Variants in LRRC28 observed in about 807,000 individuals in gnomAD.
The protein encoded by LRRC28 is leucine-rich repeat-containing protein 28.
A neutral mutation model predicts 45.7 loss-of-function variants in LRRC28; 39 were observed. The ratio of observed to expected loss-of-function variants is 0.85; its 90% CI spans 0.66 to 1.12. The LOEUF is 1.12. LRRC28 is among the 50% of genes most tolerant of loss of function. The pLI, the probability that LRRC28 is intolerant of heterozygous loss-of-function variation, is 0.00. For missense variants in LRRC28, 435 were observed against 438.5 expected (o/e 0.99, Z 0.07); for synonymous variants, 206 against 178.8 (o/e 1.15, Z -1.22).
intron 5 of LRRC28, among the ~76,000 whole-genome samples, chr15:99,329,484 C>T (rs1433934365): frequency 1.3e-5 from 2 of 152,122 alleles, no homozygotes; most frequent in African/African-American, 4.8e-5. Context: ...GCATAATTTC[C>T]AACACTGGAG....
rs1029980763 is a variant in LRRC28, at chr15:99,258,798, G to A, written c.168+2673G>A. 20 of 695,968 alleles carry A rather than the reference G, an allele frequency of 2.9e-5. 1 individual carries two copies. Among genetic ancestry groups the A allele is most frequent in the South Asian group, 1.4e-4 (10 of 73,004 alleles). The allele number at this position is 695,968 out of a possible 1,614,324, so 43.1% of individuals were successfully genotyped here. On this transcript the variant is annotated intron_variant, in intron 2 of 9. Coordinates refer to ENST00000301981, the MANE Select transcript of LRRC28 (RefSeq NM_144598.5). ...TTATTTGTACCCACATTTGTTCCAC[G>A]TGGCCTATTTGATGAATATGGATCT...
intron 9 of LRRC28, among the ~76,000 whole-genome samples, chr15:99,368,985 A>T (rs917043128): frequency 6.6e-6 from 1 of 152,196 alleles, no homozygotes; most frequent in Non-Finnish European, 1.5e-5. Flanking sequence ...CCAAGTTATC[A>T]CTTACAAATT....
intron 5 of LRRC28, among the ~76,000 whole-genome samples, chr15:99,298,042 A>G (rs2082310402): frequency 1.3e-5 from 2 of 152,114 alleles, no homozygotes; most frequent in African/African-American, 4.8e-5. Flanking sequence ...TCATTGCTAC[A>G]ATACTTTTAA....
intron 5 of LRRC28, among the ~76,000 whole-genome samples, chr15:99,311,641 T>A (rs1000256383): frequency 2.0e-5 from 3 of 152,228 alleles, no homozygotes; most frequent in Admixed American, 2.0e-4. Flanking sequence ...TGTGGTTGTT[T>A]GTAATTGCCT....
At chr15:99,354,097 A>G (rs1251465246) in intron 7 of LRRC28, 2 of 152,226 alleles carry the variant, frequency 1.3e-5, no homozygotes, top group African/African-American at 2.4e-5. Context: ...TTCTAATAGT[A>G]GTATTGAGGT....
At chr15:99,383,784 G>T (rs968071746) in intron 9 of LRRC28, among the ~76,000 whole-genome samples, 25 of 152,052 alleles carry the variant, frequency 1.6e-4, no homozygotes, top group African/African-American at 6.0e-4. Context: ...GGCTGAGCAG[G>T]GTCCGCCACC....
At chr15:99,276,793 A>C (rs1362538585) in intron 3 of LRRC28, among the ~76,000 whole-genome samples, 177 bp downstream of exon 3, 1 of 152,238 alleles carries the variant, frequency 6.6e-6, no homozygotes, top group East Asian at 1.9e-4. Context: ...CAAAGTATTT[A>C]ACCATTTAAA....
chr15:99,345,991 AT>A (rs367847997), intron 6 of LRRC28, among the ~76,000 whole-genome samples: 5 of 149,540 alleles, frequency 3.3e-5, no homozygotes, highest in South Asian at 2.1e-4. Context: ...CTCTCTTTTT[AT>A]TTTTTTTTTA....
chr15:99,322,501 C>A (rs1292192329), intron 5 of LRRC28, among the ~76,000 whole-genome samples: 1 of 152,056 alleles, frequency 6.6e-6, no homozygotes, highest in Non-Finnish European at 1.5e-5. Context: ...TTCTGTATTT[C>A]TCTCTATTCT....
chr15:99,330,660 C>T (rs182878889), intron 5 of LRRC28, among the ~76,000 whole-genome samples: 1 of 152,120 alleles, frequency 6.6e-6, no homozygotes, highest in Non-Finnish European at 1.5e-5. Flanking sequence ...GTTTTTTATG[C>T]GGTTGACAGC....
chr15:99,351,105 G>T (rs1956863726), intron 6 of LRRC28, among the ~76,000 whole-genome samples: 1 of 151,872 alleles, frequency 6.6e-6, no homozygotes, highest in African/African-American at 2.4e-5. Flanking sequence ...CCCCACCCCT[G>T]CCATATTATG....
At chr15:99,290,206 C>G (rs1597253161) in intron 5 of LRRC28, among the ~76,000 whole-genome samples, 1 of 151,072 alleles carries the variant, frequency 6.6e-6, no homozygotes, top group Admixed American at 6.6e-5. Context: ...TTGCAGTGAG[C>G]CGAGATTGCA....
intron 6 of LRRC28, among the ~76,000 whole-genome samples, chr15:99,345,256 A>G (rs7169198): frequency 0.012 from 1,832 of 152,098 alleles, 10 homozygotes; most frequent in Non-Finnish European, 0.021. Context: ...TTACCATTGC[A>G]TATACCCAGG....
At chr15:99,352,884 A>T (rs1263580056) in intron 7 of LRRC28, among the ~76,000 whole-genome samples, 2 of 152,216 alleles carry the variant, frequency 1.3e-5, no homozygotes, top group African/African-American at 2.4e-5. Flanking sequence ...CTTTCACTGA[A>T]GCCCATTGCC....
intron 3 of LRRC28, among the ~76,000 whole-genome samples, chr15:99,280,721 G>A (rs2081762759): frequency 6.6e-6 from 1 of 151,918 alleles, no homozygotes. Flanking sequence ...GAGGTTCATG[G>A]GGTTTCTTGG....
intron 3 of LRRC28, among the ~76,000 whole-genome samples, chr15:99,283,866 A>G (rs1567624115): frequency 6.6e-6 from 1 of 152,214 alleles, no homozygotes; most frequent in Non-Finnish European, 1.5e-5. Context: ...CTACTCTGAA[A>G]TTACCAAAAT....
At chr15:99,380,283 A>T (rs188967320) in intron 9 of LRRC28, among the ~76,000 whole-genome samples, 1 of 152,134 alleles carries the variant, frequency 6.6e-6, no homozygotes, top group Non-Finnish European at 1.5e-5. Flanking sequence ...TCCCTTTACC[A>T]TTATGTAATG....
At chr15:99,259,870 T>A in intron 2 of LRRC28, 2 of 778,674 alleles carry the variant, frequency 2.6e-6, no homozygotes, top group South Asian at 2.7e-5. Context: ...TTTGAACACA[T>A]CCTGATGCAA....
intron 5 of LRRC28, among the ~76,000 whole-genome samples, chr15:99,302,001 A>G (rs965660992): frequency 7.9e-5 from 12 of 151,586 alleles, no homozygotes; most frequent in African/African-American, 2.7e-4. Context: ...AACAATGTCA[A>G]TAATTTTGTT....
Sources: allele counts gnomAD v4.1 joint callset (sites outside exome capture counted in the v4.1 genomes callset), GRCh38; gene constraint gnomAD v4.1.1; transcripts MANE v1.5; gene names NCBI Gene and HGNC (gene_info 2026-07-23, HGNC 2026-07-21).